A1CF: variants seen among roughly 807,000 people sequenced by gnomAD.
A1CF encodes the protein APOBEC1 complementation factor.
A1CF carries 48 observed loss-of-function variants against 68.9 expected under a neutral mutation model. That is an observed-to-expected ratio of 0.70 (90% CI 0.55 to 0.89). The LOEUF (loss-of-function observed/expected upper bound fraction) is 0.89. Among genes scored for constraint, A1CF ranks in the 40% least tolerant of loss-of-function variants. A1CF has a pLI of 0.00. For synonymous variants in A1CF, 272 were observed against 260.4 expected (o/e 1.04, Z -0.43); for missense variants, 653 against 718.9 (o/e 0.91, Z 1.05).
At chr10:50,843,490 A>G (rs1441379941) in intron 4 of A1CF, among the ~76,000 whole-genome samples, 1 of 152,224 alleles carries the variant, frequency 6.6e-6, no homozygotes, top group Non-Finnish European at 1.5e-5. Context: ...CCTTTAACTG[A>G]AAAGCCATGT....
intron 3 of A1CF, among the ~76,000 whole-genome samples, chr10:50,845,791 TA>T (rs1839972077): frequency 6.6e-6 from 1 of 151,996 alleles, no homozygotes; most frequent in Non-Finnish European, 1.5e-5. Flanking sequence ...CCATCTCTAC[TA>T]AAAATACAAA....
intron 4 of A1CF, 97 bp from the exon 5 acceptor site, chr10:50,842,089 A>ACACACAC: frequency 8.8e-7 from 1 of 1,140,804 alleles, no homozygotes; most frequent in Non-Finnish European, 1.2e-6. Context: ...ACACACACAC[A>ACACACAC]ATGCTTTCTG....
intron 6 of A1CF, among the ~76,000 whole-genome samples, chr10:50,832,809 T>C (rs1382873445): frequency 6.6e-6 from 1 of 152,158 alleles, no homozygotes. Flanking sequence ...TTCCTGTTTT[T>C]GTGTATGTAT....
intron 1 of A1CF, among the ~76,000 whole-genome samples, chr10:50,872,460 T>C (rs1385909871): frequency 6.6e-6 from 1 of 151,994 alleles, no homozygotes; most frequent in East Asian, 1.9e-4. Context: ...GAGGCTGAGA[T>C]TGTGTTCCTA....
intron 10 of A1CF, among the ~76,000 whole-genome samples, chr10:50,813,079 C>T (rs1022108697): frequency 6.6e-6 from 1 of 152,182 alleles, no homozygotes; most frequent in Non-Finnish European, 1.5e-5. Flanking sequence ...AAGTTTCCTT[C>T]AAGATACACA....
intron 6 of A1CF, among the ~76,000 whole-genome samples, chr10:50,829,821 C>T (rs1362072865): frequency 2.0e-5 from 3 of 152,158 alleles, no homozygotes; most frequent in Non-Finnish European, 4.4e-5. Flanking sequence ...AATAATGAAA[C>T]CTGGGTTCCA....
At chr10:50,826,195 G>C (rs1271522373) in intron 7 of A1CF, among the ~76,000 whole-genome samples, 3 of 152,128 alleles carry the variant, frequency 2.0e-5, no homozygotes, top group African/African-American at 4.8e-5. Flanking sequence ...AAAAACTCAT[G>C]AAATTTATAG....
In A1CF at chr10:50,815,990, A is replaced by G. The variant is rs1391618181; in HGVS notation, c.1141+16T>C. The G allele has an allele frequency of 6.2e-7, 1 of 1,611,876 alleles. No homozygotes were observed. The highest frequency in any genetic ancestry group is 1.7e-5 in the Admixed American group (1 of 59,904). On this transcript the variant is annotated intron_variant, in intron 9 of 12. Coordinates refer to ENST00000373997, the MANE Select transcript of A1CF (RefSeq NM_014576.4). ...AATCTTGGGATTACTCTAAAGCAAGATCTGACTGGTGTTACCTCTAACAGA... is the reference window on the plus strand; with the variant it reads ...AATCTTGGGATTACTCTAAAGCAAGGTCTGACTGGTGTTACCTCTAACAGA...
chr10:50,837,721 C>T (rs1645588386), intron 5 of A1CF, among the ~76,000 whole-genome samples: 1 of 152,136 alleles, frequency 6.6e-6, no homozygotes, highest in Non-Finnish European at 1.5e-5. Context: ...TCTAAATGCC[C>T]CCTTGGGTGG....
At position 50,800,042 on chromosome 10, in the gene A1CF, A is replaced by G. The variant is rs189174124; in HGVS notation, c.*6687T>C. 6 of 152,276 alleles carry G rather than the reference A, an allele frequency of 3.9e-5. No individual in the cohort carries two copies. Among genetic ancestry groups the G allele is most frequent in the Non-Finnish European group, 8.8e-5 (6 of 67,958 alleles). The allele number at this position is 152,276 out of a possible 1,614,324, so 9.4% of individuals were successfully genotyped here. On this transcript the variant is annotated 3_prime_UTR_variant, in exon 13 of 13. Coordinates refer to ENST00000373997, the MANE Select transcript of A1CF (RefSeq NM_014576.4). ...TTCAAAATAAAATTTACATTTGTAAAAAGGTATATATACTTTATTGCAAAG... is the reference window on the plus strand; with the variant it reads ...TTCAAAATAAAATTTACATTTGTAAGAAGGTATATATACTTTATTGCAAAG...
intron 1 of A1CF, among the ~76,000 whole-genome samples, chr10:50,872,662 A>T (rs997713381): frequency 6.6e-6 from 1 of 152,156 alleles, no homozygotes; most frequent in Non-Finnish European, 1.5e-5. Flanking sequence ...CATCTGAAGC[A>T]CTATGGTAAC....
At chr10:50,850,704 A>G in intron 3 of A1CF, 1 of 1,614,124 alleles carries the variant, frequency 6.2e-7, no homozygotes, top group South Asian at 1.1e-5. Context: ...ACTGCAAAGC[A>G]TTATTTCCTT....
chr10:50,844,044 T>A lies in A1CF; in HGVS notation c.178A>T (p.Ile60Phe), dbSNP rs1014634427. ...AAAAGGTCTCGGGGAAGTTTTCCAA[T>A]AAAAATTTCACAGCCCCTTTCAGGG... ...APPERGCEIF[I>F]GKLPRDLFED... Residue 60 changes from isoleucine (I) to phenylalanine (F), a missense_variant, in exon 4 of 13, where the codon ATT becomes TTT. Transcript: ENST00000373997. 10 of 1,613,848 alleles carry A rather than the reference T, an allele frequency of 6.2e-6. No individual in the cohort carries two copies. Among genetic ancestry groups the A allele is most frequent in the Non-Finnish European group, 8.5e-6 (10 of 1,179,868 alleles).
intron 12 of A1CF, among the ~76,000 whole-genome samples, chr10:50,809,116 C>T (rs1429689345): frequency 6.6e-6 from 1 of 151,894 alleles, no homozygotes; most frequent in Non-Finnish European, 1.5e-5. Flanking sequence ...TAATTATTAC[C>T]ATTTGTTGTG....
In A1CF at chr10:50,831,652, C is replaced by T. The variant is rs372485518; in HGVS notation, c.605-3357G>A. Among the ~76,000 whole-genome samples, 31 of 152,178 alleles carry T rather than the reference C, an allele frequency of 2.0e-4. No individual in the cohort carries two copies. In the East Asian group the frequency reaches 2.1e-3, roughly 10 times the overall value. ...CTGAGGCAGGAGAATCACTTGAACC[C>T]GGGAGGCAGAGGTTGCAGTGAGCCA... On this transcript the variant is annotated intron_variant, in intron 6 of 12. Transcript: ENST00000373997.
In A1CF at chr10:50,882,346, G is replaced by C. The variant is rs535796930; in HGVS notation, c.-94+3235C>G. 2.0e-5 allele frequency among the ~76,000 whole-genome samples: 3 copies of C among 152,252 alleles called. No individual in the cohort carries two copies. The South Asian group carries it at 6.2e-4, about 32-fold the overall frequency. On this transcript the variant is annotated intron_variant, in intron 1 of 12. Transcript: ENST00000373997. ...AGCTACTCGGGAGGCTGAGGCACAA[G>C]AATCACTTGAATCCAGGAGGTGGAG...
At chr10:50,813,483 C>T (rs756533743) in intron 10 of A1CF, among the ~76,000 whole-genome samples, 1 of 152,150 alleles carries the variant, frequency 6.6e-6, no homozygotes, top group African/African-American at 2.4e-5. Flanking sequence ...ATTCAGGGCA[C>T]TGCCATAATA....
At chr10:50,862,826 A>C (rs1840807440) in intron 2 of A1CF, 1 of 152,240 alleles carries the variant, frequency 6.6e-6, no homozygotes, top group African/African-American at 2.4e-5. Context: ...GTGCTTAATT[A>C]AATTGCAAGA....
At chr10:50,842,551 T>A (rs1589008343) in intron 4 of A1CF, among the ~76,000 whole-genome samples, 1 of 152,128 alleles carries the variant, frequency 6.6e-6, no homozygotes. Context: ...ATAGAGGCTG[T>A]AATGAGCCAT....
Sources: gnomAD v4.1 joint callset for allele counts (sites outside exome capture counted in the v4.1 genomes callset) on GRCh38, gnomAD v4.1.1 for gene constraint, MANE v1.5 for transcripts, NCBI Gene and HGNC (gene_info 2026-07-23, HGNC 2026-07-21) for gene names.